Variants in OPHN1 observed in about 807,000 individuals in gnomAD.
The protein encoded by OPHN1 is oligophrenin 1.
Under a neutral mutation model 60.7 loss-of-function variants are expected in OPHN1, and 11 were observed. The ratio of observed to expected loss-of-function variants is 0.18; its 90% confidence interval spans 0.11 to 0.30. The LOEUF is 0.30. Among genes scored for constraint, OPHN1 ranks in the 10% least tolerant of loss-of-function variants. OPHN1 has a pLI of 1.00. For missense variants in OPHN1, 449 were observed against 611.0 expected, an observed-to-expected ratio of 0.73 and a Z score of 2.80; for synonymous variants, 226 against 222.6, an observed-to-expected ratio of 1.02 and a Z score of -0.14.
At chrX:68,422,770 GAAGA>G (rs60661434) in intron 2 of OPHN1, among the ~76,000 whole-genome samples, 6 of 68,060 alleles carry the variant, frequency 8.8e-5, no homozygotes, top group African/African-American at 3.0e-4. Context: ...AAGGGAAAGG[GAAGA>G]AAGAAAGAGA....
chrX:68,115,233 T>C (rs1474984750), intron 16 of OPHN1, among the ~76,000 whole-genome samples: 2 of 112,777 alleles, frequency 1.8e-5, no homozygotes, highest in East Asian at 2.8e-4. Flanking sequence ...TCTGGCTCTA[T>C]TGGTTCTTTG....
intron 2 of OPHN1, among the ~76,000 whole-genome samples, chrX:68,421,981 G>A (rs1211178015): frequency 9.0e-6 from 1 of 110,735 alleles, no homozygotes; most frequent in Non-Finnish European, 1.9e-5. Flanking sequence ...TAGGCTCTTG[G>A]GGCAGAAAAC....
At chrX:68,058,346 GTCATAT>G (rs1393290895) in intron 21 of OPHN1, among the ~76,000 whole-genome samples, 1 of 110,483 alleles carries the variant, frequency 9.1e-6, no homozygotes, top group Non-Finnish European at 1.9e-5. Context: ...GGGGATATAA[GTCATAT>G]TCATGGGAAA....
chrX:68,318,833 G>A (rs936887801), intron 2 of OPHN1, among the ~76,000 whole-genome samples: 1 of 111,358 alleles, frequency 9.0e-6, no homozygotes, highest in Admixed American at 9.6e-5. Flanking sequence ...TGACCTTGCC[G>A]GTTTTGAGAA....
At chrX:68,134,983 T>C (rs2077213259) in intron 15 of OPHN1, among the ~76,000 whole-genome samples, 1 of 111,385 alleles carries the variant, frequency 9.0e-6, no homozygotes, top group Non-Finnish European at 1.9e-5. Context: ...CTTGTTTCCT[T>C]TATTGTTTCT....
At chrX:68,349,359 T>C (rs1205205315) in intron 2 of OPHN1, among the ~76,000 whole-genome samples, 1 of 111,984 alleles carries the variant, frequency 8.9e-6, no homozygotes, top group East Asian at 2.8e-4. Context: ...CACAATGAGA[T>C]ACCATCTCAC....
chrX:68,221,008 G>A (rs1400736545), intron 6 of OPHN1, among the ~76,000 whole-genome samples: 1 of 103,486 alleles, frequency 9.7e-6, no homozygotes, highest in African/African-American at 3.4e-5. Flanking sequence ...GTTTGCAGAC[G>A]ACATGATTGT....
At chrX:68,330,146 C>T (rs747846798) in intron 2 of OPHN1, among the ~76,000 whole-genome samples, 1 of 108,279 alleles carries the variant, frequency 9.2e-6, no homozygotes, top group East Asian at 2.9e-4. Context: ...GTCGCCCAGG[C>T]TGGAGTGCAA....
intron 15 of OPHN1, among the ~76,000 whole-genome samples, chrX:68,184,264 G>A (rs775394733): frequency 1.8e-5 from 2 of 112,122 alleles, no homozygotes; most frequent in Non-Finnish European, 3.8e-5. Context: ...GCTCATGCCT[G>A]TAATCCCAGC....
intron 15 of OPHN1, among the ~76,000 whole-genome samples, chrX:68,187,781 C>T (rs943697021): frequency 9.1e-6 from 1 of 110,429 alleles, no homozygotes; most frequent in African/African-American, 3.3e-5. Flanking sequence ...GTGCCCGCCA[C>T]CACACCCGGC....
intron 5 of OPHN1, among the ~76,000 whole-genome samples, chrX:68,267,142 A>G (rs1211931827): frequency 9.0e-6 from 1 of 111,361 alleles, no homozygotes; most frequent in Non-Finnish European, 1.9e-5. Context: ...TAACAAGGAT[A>G]TCCAGGAATT....
Position 68,393,885 on chromosome X carries a change from G to GTTTGT in OPHN1, c.154+38981_154+38982insACAAA, listed in dbSNP as rs2078667077. 5.8e-5 allele frequency among the ~76,000 whole-genome samples: 2 copies of GTTTGT among 34,587 alleles called. 1 individual carries two copies. Among genetic ancestry groups the GTTTGT allele is most frequent in the Non-Finnish European group, 9.9e-5 (2 of 20,294 alleles). 30.0% of individuals were successfully genotyped at this position (34,587 alleles called of 115,157 possible). A position where few individuals can be genotyped will look rare whatever the true frequency, so the allele number is the denominator to read the frequency against. On this transcript the variant is annotated intron_variant, in intron 2 of 24. Coordinates refer to ENST00000355520, the MANE Select transcript of OPHN1 (RefSeq NM_002547.3). ...CTATCAAGGTGATCCAATAGACTTT[G>GTTTGT]TTTTTTTTTTTTTTTTTTTTTTTTT...
At chrX:68,296,647 T>TA (rs751623342) in intron 3 of OPHN1, among the ~76,000 whole-genome samples, 1,656 of 68,366 alleles carry the variant, frequency 0.024, 14 homozygotes, top group Middle Eastern at 0.037. Flanking sequence ...GACTCCATCT[T>TA]AAAAAAAAAA....
rs1327488 is a variant in OPHN1, at chrX:68,198,545, T to G, written c.1026-1281A>C. Among the ~76,000 whole-genome samples, 422 of 112,132 alleles carry G rather than the reference T, an allele frequency of 3.8e-3. 5 individuals carry two copies. Among genetic ancestry groups the G allele is most frequent in the African/African-American group, 0.013 (404 of 30,876 alleles). ...TCTTTATGGTCTTTTTAGATCTTTG[T>G]GACTCATCTGGAATTTTGAGATTAA... On this transcript the variant is annotated intron_variant, in intron 11 of 24. Transcript: ENST00000355520.
intron 2 of OPHN1, among the ~76,000 whole-genome samples, chrX:68,398,746 C>T (rs2078698108): frequency 9.0e-6 from 1 of 110,909 alleles, no homozygotes; most frequent in Non-Finnish European, 1.9e-5. Flanking sequence ...GTCAGGAGTT[C>T]GAGACCAGCC....
At chrX:68,387,366 G>T (rs1054268318) in intron 2 of OPHN1, among the ~76,000 whole-genome samples, 1 of 110,881 alleles carries the variant, frequency 9.0e-6, no homozygotes, top group Non-Finnish European at 1.9e-5. Flanking sequence ...TCAGATTAAT[G>T]TAATAGCCTC....
chrX:68,287,224 G>C, intron 3 of OPHN1, among the ~76,000 whole-genome samples: 1 of 95,091 alleles, frequency 1.1e-5, no homozygotes, highest in East Asian at 3.2e-4. Flanking sequence ...GGGAAGAAAG[G>C]AAAGAAGGAA....
chrX:68,331,878 A>G (rs1290592798), intron 2 of OPHN1, among the ~76,000 whole-genome samples: 1 of 110,137 alleles, frequency 9.1e-6, no homozygotes, highest in East Asian at 2.8e-4. Flanking sequence ...TACTAAAACT[A>G]CAAAAAAATT....
intron 15 of OPHN1, among the ~76,000 whole-genome samples, chrX:68,180,938 C>T (rs2077433632): frequency 1.9e-5 from 2 of 106,220 alleles, no homozygotes; most frequent in South Asian, 4.2e-4. Context: ...CAAAGTTTTA[C>T]ATAAAAACTA....
Sources: allele counts gnomAD v4.1 joint callset (sites outside exome capture counted in the v4.1 genomes callset), GRCh38; gene constraint gnomAD v4.1.1; transcripts MANE v1.5; gene names NCBI Gene and HGNC (gene_info 2026-07-23, HGNC 2026-07-21).